Variants in EYA1 observed in about 807,000 individuals in gnomAD.
The protein encoded by EYA1 is EYA transcriptional coactivator and phosphatase 1.
EYA1 carries 16 observed loss-of-function variants against 82.0 expected under a neutral mutation model. The observed-to-expected ratio is 0.20, with a 90% CI of 0.13 to 0.30. The LOEUF (loss-of-function observed/expected upper bound fraction) is 0.30, where lower values mean the gene tolerates loss of function less well. Among genes scored for constraint, EYA1 ranks in the 10% least tolerant of loss-of-function variants. EYA1 has a pLI of 1.00. For synonymous variants in EYA1, 261 were observed against 264.4 expected, an observed-to-expected ratio of 0.99 and a Z score of 0.12; for missense variants, 633 against 730.7, an observed-to-expected ratio of 0.87 and a Z score of 1.54.
chr8:71,405,819 T>C (rs547378183), intron 2 of EYA1, among the ~76,000 whole-genome samples: 1 of 152,314 alleles, frequency 6.6e-6, no homozygotes, highest in Admixed American at 6.5e-5. Flanking sequence ...TTTAAACCTA[T>C]TACTTTCCTT....
At chr8:71,215,206 T>C (rs1809031465) in intron 16 of EYA1, among the ~76,000 whole-genome samples, 181 bp downstream of exon 16, 2 of 152,226 alleles carry the variant, frequency 1.3e-5, no homozygotes, top group Non-Finnish European at 2.9e-5. Context: ...CTTCAGCTAC[T>C]GTATTATGCT....
chr8:71,393,021 T>G (rs2129113074), intron 2 of EYA1, among the ~76,000 whole-genome samples: 1 of 152,280 alleles, frequency 6.6e-6, no homozygotes, highest in South Asian at 2.1e-4. Context: ...GAAAATTGGT[T>G]TCATAGAATA....
At chr8:71,463,997 G>A (rs1356203979) in intron 2 of EYA1, among the ~76,000 whole-genome samples, 1 of 152,086 alleles carries the variant, frequency 6.6e-6, no homozygotes, top group Non-Finnish European at 1.5e-5. Context: ...CATCAAATGT[G>A]CCTTTTTGGA....
chr8:71,309,427 A>C (rs2129013399), intron 7 of EYA1, among the ~76,000 whole-genome samples: 1 of 152,318 alleles, frequency 6.6e-6, no homozygotes, highest in South Asian at 2.1e-4. Context: ...GAAGAGTGGC[A>C]AAGCAATTAA....
chr8:71,333,780 C>T (rs1251217475), intron 4 of EYA1, among the ~76,000 whole-genome samples: 2 of 152,180 alleles, frequency 1.3e-5, no homozygotes, highest in Non-Finnish European at 2.9e-5. Context: ...AAAAATAATA[C>T]ATCTAAGAGA....
At chr8:71,534,050 T>C (rs1814503352) in intron 2 of EYA1, among the ~76,000 whole-genome samples, 1 of 152,218 alleles carries the variant, frequency 6.6e-6, no homozygotes, top group Non-Finnish European at 1.5e-5. Context: ...CTTAATATCT[T>C]CTGTCTTAAA....
In EYA1 at chr8:71,321,853, G is replaced by T. The variant is rs373501480; in HGVS notation, c.299C>A (p.Thr100Asn). 6.2e-6 allele frequency: 10 copies of T among 1,614,122 alleles called. No individual in the cohort carries two copies. The African/African-American group carries it at 9.3e-5, about 15-fold the overall frequency. ...SNRPYPHILP[T>N]PSSQTMAAYG... The stretch of plus-strand genomic sequence containing the variant: ...TGCAGCCATAGTTTGTGAGGAAGGG[G>T]TAGGGAGAATATGTGGGTATGGTCT... The change falls in exon 6 of 18, where the codon ACC (threonine) becomes AAC (asparagine). Residue 100 changes from threonine to asparagine, a missense_variant. By Grantham distance (65) the Thr-to-Asn change is moderately conservative. Coordinates refer to ENST00000340726, the MANE Select transcript of EYA1 (RefSeq NM_000503.6).
intron 1 of EYA1, among the ~76,000 whole-genome samples, chr8:71,537,570 A>G (rs1425355917): frequency 6.6e-6 from 1 of 152,196 alleles, no homozygotes; most frequent in Non-Finnish European, 1.5e-5. Context: ...CAGTTTACCA[A>G]GTGCTTTCAC....
intron 2 of EYA1, among the ~76,000 whole-genome samples, chr8:71,479,775 T>A (rs1809984822): frequency 6.6e-6 from 1 of 152,140 alleles, no homozygotes; most frequent in South Asian, 2.1e-4. Context: ...CAACAGTGGA[T>A]AGGGTTTCCT....
chr8:71,397,168 G>A (rs997713545), intron 2 of EYA1, among the ~76,000 whole-genome samples: 1 of 151,602 alleles, frequency 6.6e-6, no homozygotes, highest in Non-Finnish European at 1.5e-5. Context: ...CCTTTATTTT[G>A]AGCCTATGTG....
Position 71,249,862 on chromosome 8 carries a change from G to T in EYA1, c.1051-5170C>A, listed in dbSNP as rs950226689. ...TGGCAAGTTGGAGTCATCACATTTC[G>T]TCTGGACACCTACTGTATTCATTCT... is the stretch of plus-strand genomic sequence containing the variant. On this transcript the variant is annotated intron_variant, in intron 11 of 17. Transcript: ENST00000340726. Among the ~76,000 whole-genome samples, 3 of 151,988 alleles carry T rather than the reference G, an allele frequency of 2.0e-5. No homozygotes were observed. In the East Asian group the frequency reaches 5.8e-4, roughly 29 times the overall value.
In EYA1 at chr8:71,417,503, C is replaced by A. The variant is rs776212533; in HGVS notation, c.34-60992G>T. On this transcript the variant is annotated intron_variant, in intron 2 of 18. Coordinates refer to the EYA1 transcript ENST00000643681. ...TGAGCATTCCATTATATCGATGTAT[C>A]AAAATTTATTTAGACAATTGCTAGT... Among the ~76,000 whole-genome samples the A allele has an allele frequency of 4.6e-5, 7 of 152,144 alleles. No individual in the cohort carries two copies. In the East Asian group the frequency reaches 1.4e-3, roughly 29 times the overall value.
chr8:71,254,138 A>G (rs1369960042), intron 11 of EYA1, among the ~76,000 whole-genome samples: 1 of 151,902 alleles, frequency 6.6e-6, no homozygotes, highest in Non-Finnish European at 1.5e-5. Context: ...ATAAGTAAAA[A>G]CATTCTGTAA....
At chr8:71,387,821 A>G (rs922582338) in intron 2 of EYA1, among the ~76,000 whole-genome samples, 1 of 152,172 alleles carries the variant, frequency 6.6e-6, no homozygotes, top group Non-Finnish European at 1.5e-5. Context: ...ATTTTTGAAA[A>G]TTATTAGAAA....
intron 12 of EYA1, among the ~76,000 whole-genome samples, chr8:71,241,157 T>C (rs1441874701): frequency 1.3e-5 from 2 of 152,210 alleles, no homozygotes; most frequent in Non-Finnish European, 2.9e-5. Flanking sequence ...CTGTCACTCA[T>C]GTTCCTTCAT....
chr8:71,455,692 C>T (rs534024408), intron 2 of EYA1, among the ~76,000 whole-genome samples: 29 of 152,152 alleles, frequency 1.9e-4, no homozygotes, highest in Non-Finnish European at 2.9e-4. Flanking sequence ...AAAAGGCCTT[C>T]GACAAAATTC....
At chr8:71,345,181 T>C (rs1416807241) in intron 3 of EYA1, among the ~76,000 whole-genome samples, 1 of 152,220 alleles carries the variant, frequency 6.6e-6, no homozygotes, top group African/African-American at 2.4e-5. Context: ...GTAAGTGCAC[T>C]TAATATTTTG....
At chr8:71,540,526 C>A (rs978121509) in intron 1 of EYA1, among the ~76,000 whole-genome samples, 4 of 152,062 alleles carry the variant, frequency 2.6e-5, no homozygotes, top group Admixed American at 2.6e-4. Context: ...GCCAGGCAGG[C>A]CATGGGGACA....
At chr8:71,512,958 C>A (rs1212534527) in intron 2 of EYA1, among the ~76,000 whole-genome samples, 7 of 152,192 alleles carry the variant, frequency 4.6e-5, no homozygotes, top group African/African-American at 1.4e-4. Context: ...AAATATCTAA[C>A]CATACACAAG....
Sources: gnomAD v4.1 joint callset for allele counts (sites outside exome capture counted in the v4.1 genomes callset) on GRCh38, gnomAD v4.1.1 for gene constraint, MANE v1.5 for transcripts, NCBI Gene and HGNC (gene_info 2026-07-23, HGNC 2026-07-21) for gene names.